SUSD5: variants seen among roughly 807,000 people sequenced by gnomAD.
The protein encoded by SUSD5 is sushi domain containing 5.
In SUSD5, 33 loss-of-function variants were observed where a neutral mutation model predicts 29.5. The ratio of observed to expected loss-of-function variants is 1.12; its 90% confidence interval spans 0.85 to 1.49. The LOEUF is 1.49. Among genes scored for constraint, SUSD5 ranks in the 40% most tolerant of loss-of-function variants. SUSD5 has a pLI of 0.00. For synonymous variants in SUSD5, 308 were observed against 325.3 expected, an observed-to-expected ratio of 0.95 and a Z score of 0.57; for missense variants, 776 against 800.6, an observed-to-expected ratio of 0.97 and a Z score of 0.37.
chr3:33,161,909 T>C (rs1575528408), intron 4 of SUSD5, among the ~76,000 whole-genome samples: 1 of 152,160 alleles, frequency 6.6e-6, no homozygotes, highest in African/African-American at 2.4e-5. Context: ...AACATCTCTA[T>C]CATTAATAAT....
intron 4 of SUSD5, among the ~76,000 whole-genome samples, chr3:33,169,754 C>T (rs541827208): frequency 2.6e-5 from 4 of 152,184 alleles, no homozygotes; most frequent in South Asian, 2.1e-4. Flanking sequence ...GACTCAGAGG[C>T]GGCGAGGCTG....
chr3:33,190,630 A>C (rs1361105631), intron 3 of SUSD5, among the ~76,000 whole-genome samples: 1 of 152,188 alleles, frequency 6.6e-6, no homozygotes, highest in Non-Finnish European at 1.5e-5. Flanking sequence ...GAGGGAGTTC[A>C]GGAAATGCCA....
intron 4 of SUSD5, 102 bp from the exon 5 acceptor site, chr3:33,154,135 A>G: frequency 1.1e-6 from 1 of 926,456 alleles, no homozygotes; most frequent in Non-Finnish European, 1.6e-6. Context: ...GGACAGAATA[A>G]ATAATACTGT....
chr3:33,214,126 A>G (rs1350223950), intron 1 of SUSD5, 21 bp from the exon 2 acceptor site: 1 of 1,571,896 alleles, frequency 6.4e-7, no homozygotes, highest in Non-Finnish European at 8.6e-7. Context: ...ACAAGAACAA[A>G]CACATGTGGA....
chr3:33,210,572 T>C (rs920930857), intron 2 of SUSD5, among the ~76,000 whole-genome samples: 3 of 152,182 alleles, frequency 2.0e-5, no homozygotes, highest in Non-Finnish European at 4.4e-5. Flanking sequence ...CATAAATTCA[T>C]AGAGATATAG....
At chr3:33,155,694 A>G (rs1258845863) in intron 4 of SUSD5, among the ~76,000 whole-genome samples, 1 of 152,272 alleles carries the variant, frequency 6.6e-6, no homozygotes, top group Non-Finnish European at 1.5e-5. Flanking sequence ...GCAAATCTGT[A>G]CATCAATAAA....
chr3:33,207,706 A>T (rs2032247391), intron 3 of SUSD5, 102 bp downstream of exon 3: 1 of 682,592 alleles, frequency 1.5e-6, no homozygotes, highest in Non-Finnish European at 2.4e-6. Context: ...AACCATGTCT[A>T]GTAAATCCTC....
Position 33,204,593 on chromosome 3 carries a change from T to C in SUSD5, c.409+3215A>G, listed in dbSNP as rs564922109. Among the ~76,000 whole-genome samples the C allele has an allele frequency of 4.6e-5, 7 of 152,030 alleles. No homozygotes were observed. Among genetic ancestry groups the C allele is most frequent in the African/African-American group, 1.7e-4 (7 of 41,442 alleles). ...ACCTCGGCCTCCCAAAGTGCTGGGA[T>C]TACAGGCTTGAGCCACCACACCCGG... On this transcript the variant is annotated intron_variant, in intron 3 of 4. Transcript: ENST00000309558. This position sits in a 1 kb window ranked among gnomAD's most constrained non-coding sequence, Gnocchi z 4.5.
chr3:33,162,726 G>A lies in SUSD5; in HGVS notation c.599-8693C>T, dbSNP rs1265843329. Among the ~76,000 whole-genome samples, 14 of 152,284 alleles carry A rather than the reference G, an allele frequency of 9.2e-5. No homozygotes were observed. In the East Asian group the frequency reaches 2.5e-3, roughly 27 times the overall value. On this transcript the variant is annotated intron_variant, in intron 4 of 4. Transcript: ENST00000309558. ...CCAGAACTTTGGGAGGCTGGGGTGG[G>A]TGGATCACCTGAGGTCAGGAGTTTG...
At chr3:33,200,355 A>T (rs980236620) in intron 3 of SUSD5, among the ~76,000 whole-genome samples, 1 of 152,238 alleles carries the variant, frequency 6.6e-6, no homozygotes, top group Non-Finnish European at 1.5e-5. Context: ...AGAAATTGGT[A>T]ACAAGAAGTG....
intron 3 of SUSD5, among the ~76,000 whole-genome samples, chr3:33,196,199 T>C (rs1208887064): frequency 6.6e-6 from 1 of 152,244 alleles, no homozygotes; most frequent in South Asian, 2.1e-4. Context: ...CATGGCTAAA[T>C]TGGAATTGAA....
At chr3:33,193,655 G>A (rs1386536545) in intron 3 of SUSD5, among the ~76,000 whole-genome samples, 1 of 152,146 alleles carries the variant, frequency 6.6e-6, no homozygotes, top group African/African-American at 2.4e-5. Context: ...TGTTGAGTGA[G>A]TGAGGGGAGA....
At chr3:33,172,493 CAG>C (rs368597474) in intron 4 of SUSD5, among the ~76,000 whole-genome samples, 297 of 152,270 alleles carry the variant, frequency 2.0e-3, no homozygotes, top group African/African-American at 6.7e-3. Flanking sequence ...ATTAACAACT[CAG>C]GGTGGGTATG....
chr3:33,199,214 T>A (rs1290982920), intron 3 of SUSD5, among the ~76,000 whole-genome samples: 1 of 147,886 alleles, frequency 6.8e-6, no homozygotes, highest in Non-Finnish European at 1.5e-5. Flanking sequence ...GGGGAGAATT[T>A]CACACACACA....
chr3:33,184,853 T>C (rs2031746353), intron 3 of SUSD5, among the ~76,000 whole-genome samples: 1 of 152,246 alleles, frequency 6.6e-6, no homozygotes, highest in South Asian at 2.1e-4. Flanking sequence ...TATCATAGCA[T>C]TTTAAAATTC....
chr3:33,169,068 G>A (rs1331598233), intron 4 of SUSD5, among the ~76,000 whole-genome samples: 2 of 87,402 alleles, frequency 2.3e-5, no homozygotes, highest in South Asian at 6.4e-4. Flanking sequence ...ACATTTCTAC[G>A]GAATTCCAGA....
intron 3 of SUSD5, among the ~76,000 whole-genome samples, chr3:33,187,345 C>T (rs964672292): frequency 1.3e-5 from 2 of 152,118 alleles, no homozygotes; most frequent in African/African-American, 4.8e-5. Context: ...TCAGGAAAAC[C>T]GCAATAATGC....
At chr3:33,215,970 G>A (rs929744196) in intron 1 of SUSD5, among the ~76,000 whole-genome samples, 4 of 152,086 alleles carry the variant, frequency 2.6e-5, no homozygotes, top group Non-Finnish European at 4.4e-5. Context: ...ATCTTCTAAC[G>A]TAGAAGGAGG....
chr3:33,210,619 C>T (rs537014636), intron 2 of SUSD5, among the ~76,000 whole-genome samples: 1 of 152,236 alleles, frequency 6.6e-6, no homozygotes, highest in East Asian at 1.9e-4. Context: ...CCATCAATTA[C>T]AAGATGCACC....
Sources: allele counts gnomAD v4.1 joint callset (sites outside exome capture counted in the v4.1 genomes callset), GRCh38; gene constraint gnomAD v4.1.1; non-coding constraint Gnocchi (gnomAD v3.1); transcripts MANE v1.5; gene names NCBI Gene and HGNC (gene_info 2026-07-23, HGNC 2026-07-21).